ATP8A2: variants seen among roughly 807,000 people sequenced by gnomAD.
ATP8A2 encodes phospholipid-transporting ATPase IB.
A neutral mutation model predicts 165.6 loss-of-function variants in ATP8A2; 100 were observed. The observed-to-expected ratio is 0.60, with a 90% CI of 0.51 to 0.71. ATP8A2 has a LOEUF of 0.71. ATP8A2 is among the 30% of genes least tolerant of loss of function. ATP8A2 has a pLI of 0.00. For missense variants in ATP8A2, 1,227 were observed against 1,479.5 expected (o/e 0.83, Z 2.80); for synonymous variants, 543 against 548.8 (o/e 0.99, Z 0.15).
chr13:25,765,254 C>T (rs1157114223), intron 25 of ATP8A2, among the ~76,000 whole-genome samples: 1 of 152,192 alleles, frequency 6.6e-6, no homozygotes, highest in Non-Finnish European at 1.5e-5. Flanking sequence ...GTTTATATTT[C>T]TATTCATAAT....
intron 24 of ATP8A2, among the ~76,000 whole-genome samples, chr13:25,646,499 C>G (rs1297188943): frequency 6.6e-6 from 1 of 151,354 alleles, no homozygotes; most frequent in African/African-American, 2.4e-5. Flanking sequence ...ACTAAAAATA[C>G]AAAAAAATTA....
At chr13:25,951,814 A>G (rs1955371455) in intron 33 of ATP8A2, among the ~76,000 whole-genome samples, 1 of 152,170 alleles carries the variant, frequency 6.6e-6, no homozygotes, top group African/African-American at 2.4e-5. Flanking sequence ...AAACACTGAT[A>G]CCGCCCACTG....
In ATP8A2 at chr13:25,520,816, A is replaced by G. The variant is rs181209421; in HGVS notation, c.222-9183A>G. Among the ~76,000 whole-genome samples the G allele has an allele frequency of 2.6e-3, 395 of 152,102 alleles. 2 individuals carry two copies. Among genetic ancestry groups the G allele is most frequent in the African/African-American group, 8.4e-3 (347 of 41,500 alleles). ...TTTTTAGTAGAGACAAGGTTTCACCATGTTAGCCAGGATGGTCTCGATTTC... is the reference window on the plus strand; with the variant it reads ...TTTTTAGTAGAGACAAGGTTTCACCGTGTTAGCCAGGATGGTCTCGATTTC... On this transcript the variant is annotated intron_variant, in intron 2 of 36. Coordinates refer to ENST00000381655, the MANE Select transcript of ATP8A2 (RefSeq NM_016529.6).
At chr13:25,881,847 G>C (rs992587149) in intron 33 of ATP8A2, among the ~76,000 whole-genome samples, 1 of 152,180 alleles carries the variant, frequency 6.6e-6, no homozygotes, top group Non-Finnish European at 1.5e-5. Flanking sequence ...TACTGGACTA[G>C]AGTCTACATT....
chr13:25,666,452 C>T (rs2042157100), intron 24 of ATP8A2, among the ~76,000 whole-genome samples: 1 of 152,106 alleles, frequency 6.6e-6, no homozygotes, highest in South Asian at 2.1e-4. Context: ...GTTGGCCAGG[C>T]TGGTCTTAAA....
At chr13:25,397,895 T>C (rs2138000499) in intron 1 of ATP8A2, among the ~76,000 whole-genome samples, 1 of 152,288 alleles carries the variant, frequency 6.6e-6, no homozygotes, top group Middle Eastern at 3.4e-3. Flanking sequence ...TGATTGACAA[T>C]TGGTTGAAAG....
At chr13:25,680,533 C>A (rs544441322) in intron 24 of ATP8A2, among the ~76,000 whole-genome samples, 2 of 152,294 alleles carry the variant, frequency 1.3e-5, no homozygotes, top group East Asian at 3.9e-4. Flanking sequence ...CCCTGGGAAA[C>A]TGACACCATG....
In ATP8A2 at chr13:25,555,079, C is replaced by G; in HGVS notation, c.1263+11C>G. The G allele has an allele frequency of 1.9e-6, 3 of 1,601,198 alleles. No individual in the cohort carries two copies. Among genetic ancestry groups the G allele is most frequent in the Non-Finnish European group, 2.6e-6 (3 of 1,168,946 alleles). On this transcript the variant is annotated intron_variant, in intron 13 of 36. Transcript: ENST00000381655. The stretch of plus-strand genomic sequence containing the variant: ...GAAGAGCTTGGGCAGGTGAAAAAGC[C>G]TCTGGGAACTTTGGGAATGGTGACA...
intron 1 of ATP8A2, among the ~76,000 whole-genome samples, chr13:25,393,287 G>C (rs2033311933): frequency 6.6e-6 from 1 of 151,958 alleles, no homozygotes; most frequent in African/African-American, 2.4e-5. Flanking sequence ...GTGCCACCAT[G>C]CTTGGCTAAT....
chr13:25,420,387 C>T (rs2034265502), intron 1 of ATP8A2, among the ~76,000 whole-genome samples: 2 of 152,216 alleles, frequency 1.3e-5, no homozygotes, highest in Admixed American at 6.5e-5. Flanking sequence ...TTGGCTAGAG[C>T]AGACTCAAGG....
At chr13:25,711,250 C>G (rs990937877) in intron 25 of ATP8A2, among the ~76,000 whole-genome samples, 7 of 152,146 alleles carry the variant, frequency 4.6e-5, no homozygotes, top group African/African-American at 1.7e-4. Flanking sequence ...AGACACCAGC[C>G]CTCCTCGGCC....
At chr13:25,806,487 T>C (rs1407417488) in intron 27 of ATP8A2, among the ~76,000 whole-genome samples, 2 of 152,038 alleles carry the variant, frequency 1.3e-5, no homozygotes, top group Admixed American at 1.3e-4. Flanking sequence ...ATGTCATCTG[T>C]AATGCAGCCA....
chr13:25,962,949 T>C (rs1349417057), intron 34 of ATP8A2, among the ~76,000 whole-genome samples: 2 of 152,210 alleles, frequency 1.3e-5, no homozygotes, highest in African/African-American at 4.8e-5. Context: ...AAAAATTAAA[T>C]AATTCTCATT....
At chr13:25,831,979 G>T (rs1472730449) in intron 28 of ATP8A2, among the ~76,000 whole-genome samples, 1 of 151,158 alleles carries the variant, frequency 6.6e-6, no homozygotes, top group African/African-American at 2.4e-5. Context: ...CACTCCTGTT[G>T]CCCAGGCTGG....
At chr13:25,649,649 G>A (rs2041764275) in intron 24 of ATP8A2, among the ~76,000 whole-genome samples, 1 of 152,068 alleles carries the variant, frequency 6.6e-6, no homozygotes, top group Non-Finnish European at 1.5e-5. Flanking sequence ...AAGCTTTGAG[G>A]TCACACCAGG....
chr13:25,404,632 G>A (rs140330389), intron 1 of ATP8A2, among the ~76,000 whole-genome samples: 93 of 152,246 alleles, frequency 6.1e-4, no homozygotes, highest in South Asian at 5.2e-3. Flanking sequence ...GGAGGCGAGC[G>A]TGCTGCTCAG....
intron 19 of ATP8A2, among the ~76,000 whole-genome samples, chr13:25,575,128 T>C (rs2039580304): frequency 6.6e-6 from 1 of 152,208 alleles, no homozygotes; most frequent in Non-Finnish European, 1.5e-5. Flanking sequence ...TGTTCTTGCA[T>C]CAGCAGCTGC....
chr13:25,599,103 T>C (rs1207661118), intron 24 of ATP8A2, among the ~76,000 whole-genome samples: 3 of 152,180 alleles, frequency 2.0e-5, no homozygotes, highest in Non-Finnish European at 4.4e-5. Flanking sequence ...TATATGTATC[T>C]ATTTTAGGGT....
At chr13:25,629,493 C>T (rs1405297277) in intron 24 of ATP8A2, among the ~76,000 whole-genome samples, 2 of 152,104 alleles carry the variant, frequency 1.3e-5, no homozygotes, top group African/African-American at 4.8e-5. Context: ...ATTAGTAATA[C>T]TCTTTCCTTT....
Sources: gnomAD v4.1 joint callset for allele counts (sites outside exome capture counted in the v4.1 genomes callset) on GRCh38, gnomAD v4.1.1 for gene constraint, MANE v1.5 for transcripts, NCBI Gene and HGNC (gene_info 2026-07-23, HGNC 2026-07-21) for gene names.